RTN3: variants seen among roughly 807,000 people sequenced by gnomAD.
The protein encoded by RTN3 is reticulon 3.
In RTN3, 49 loss-of-function variants were observed where a neutral mutation model predicts 77.8. The ratio of observed to expected loss-of-function variants is 0.63; its 90% CI spans 0.50 to 0.80. The LOEUF is 0.80. Among genes scored for constraint, RTN3 ranks in the 30% least tolerant of loss-of-function variants. The pLI, the probability that RTN3 is intolerant of heterozygous loss-of-function variation, is 0.00. For missense variants in RTN3, 1,236 were observed against 1,211.9 expected (o/e 1.02, Z -0.29); for synonymous variants, 464 against 446.9 (o/e 1.04, Z -0.48).
chr11:63,684,632 G>C (rs551894324), intron 1 of RTN3, among the ~76,000 whole-genome samples: 13 of 152,044 alleles, frequency 8.6e-5, no homozygotes, highest in Non-Finnish European at 1.6e-4. Flanking sequence ...TACAGAATTT[G>C]TATTTCTTAG....
At chr11:63,693,372 AC>A (rs1181752358) in intron 1 of RTN3, among the ~76,000 whole-genome samples, 1 of 152,050 alleles carries the variant, frequency 6.6e-6, no homozygotes, top group Non-Finnish European at 1.5e-5. Flanking sequence ...AATCCCAGCT[AC>A]TTGGGAAGGC....
chr11:63,722,011 G>A (rs1187680612), intron 3 of RTN3, among the ~76,000 whole-genome samples: 1 of 151,902 alleles, frequency 6.6e-6, no homozygotes, highest in Non-Finnish European at 1.5e-5. Flanking sequence ...CCCTTCTCTT[G>A]TCTTTTATCT....
rs11231565 is a variant in RTN3 at position 63,707,974 on chromosome 11, G to A, written c.199+3067G>A. On this transcript the variant is annotated intron_variant, in intron 2 of 8. Transcript: ENST00000377819. ...CCAGTGGGGCCCTACGTCATTGGCA[G>A]TCTAGAGGTTAGCCTGTTCAGTTGT... Among the ~76,000 whole-genome samples, 816 of 152,344 alleles carry A rather than the reference G, an allele frequency of 5.4e-3. 6 individuals are homozygous for A. The highest frequency in any genetic ancestry group is 0.019 in the African/African-American group (796 of 41,574).
chr11:63,719,123 G>T lies in RTN3; in HGVS notation c.621G>T (p.Leu207Phe). Residue 207 changes from leucine (L) to phenylalanine (F), a missense_variant, in exon 3 of 9, where the codon TTG (leucine) becomes TTT (phenylalanine). Around this residue, in one of 3 missense-constraint regions of RTN3, gnomAD observed 1,056 missense variants for 990.4 expected, o/e 1.07. Transcript: ENST00000377819. ...TGGATGCTGATGACAGATTCACTTT[G>T]CTGACAGCCCAGAAACCACCTACTG... ...TALDADDRFTLLTAQKPPTEY... is the reference protein window; with the variant it reads ...TALDADDRFTFLTAQKPPTEY... The T allele has an allele frequency of 6.2e-7, 1 of 1,614,146 alleles. No individual in the cohort carries two copies. The highest frequency in any genetic ancestry group is 1.6e-4 in the Middle Eastern group (1 of 6,062).
chr11:63,718,165 G>A (rs190105337), intron 2 of RTN3, among the ~76,000 whole-genome samples: 16 of 152,180 alleles, frequency 1.1e-4, no homozygotes, highest in Admixed American at 3.9e-4. Context: ...TTCAGGAAGG[G>A]CCCATTGCAT....
intron 1 of RTN3, among the ~76,000 whole-genome samples, chr11:63,683,697 A>G (rs928589713): frequency 2.0e-5 from 3 of 152,146 alleles, no homozygotes; most frequent in African/African-American, 7.2e-5. Context: ...ATGACATAAC[A>G]TATTTCTGTT....
chr11:63,754,876 C>T (rs1225272728), intron 7 of RTN3, among the ~76,000 whole-genome samples: 5 of 137,004 alleles, frequency 3.6e-5, no homozygotes, highest in African/African-American at 8.3e-5. Context: ...TGCAGTGAGC[C>T]GAGATCGCGC....
intron 3 of RTN3, among the ~76,000 whole-genome samples, chr11:63,730,363 G>C (rs1241379266): frequency 6.6e-6 from 1 of 152,198 alleles, no homozygotes; most frequent in African/African-American, 2.4e-5. Flanking sequence ...CAAACAGTAA[G>C]CATAAGAAGA....
At chr11:63,722,251 A>T (rs2011873228) in intron 3 of RTN3, among the ~76,000 whole-genome samples, 1 of 152,214 alleles carries the variant, frequency 6.6e-6, no homozygotes, top group African/African-American at 2.4e-5. Context: ...ATCTTTTATC[A>T]AATGAAATCA....
intron 3 of RTN3, among the ~76,000 whole-genome samples, chr11:63,722,927 G>C (rs1369923810): frequency 6.6e-6 from 1 of 152,072 alleles, no homozygotes; most frequent in African/African-American, 2.4e-5. Flanking sequence ...GGGCAATAAG[G>C]CATATAGGAA....
At chr11:63,687,944 C>T (rs1227323119) in intron 1 of RTN3, among the ~76,000 whole-genome samples, 3 of 152,160 alleles carry the variant, frequency 2.0e-5, no homozygotes, top group Non-Finnish European at 4.4e-5. Context: ...TGGCCCTTCA[C>T]ATTAATGTCA....
In RTN3 at chr11:63,720,635, T is replaced by A; in HGVS notation, c.2133T>A (p.Ser711Arg). 6.2e-7 allele frequency: 1 copy of A among 1,613,820 alleles called. No homozygotes were observed. Among genetic ancestry groups the A allele is most frequent in the South Asian group, 1.1e-5 (1 of 91,032 alleles). ...SEIKDIGSKY[S>R]EQSKETNGSE... Reference sequence around the variant, plus strand: ...TTAAAGACATTGGAAGCAAATACAGTGAACAAAGCAAAGAAACAAATGGAA... The same window carrying A: ...TTAAAGACATTGGAAGCAAATACAGAGAACAAAGCAAAGAAACAAATGGAA... Residue 711 changes from serine (S) to arginine (R), a missense_variant, in exon 3 of 9, where the codon AGT becomes AGA. Physicochemically the swap from Ser to Arg is moderately radical, Grantham distance 110. This residue lies in a region of RTN3 where 1,056 missense variants were observed against 990.4 expected (regional missense o/e 1.07). Coordinates refer to ENST00000377819, the MANE Select transcript of RTN3 (RefSeq NM_001265589.2).
chr11:63,688,957 C>T (rs2134630396), intron 1 of RTN3, among the ~76,000 whole-genome samples: 1 of 152,186 alleles, frequency 6.6e-6, no homozygotes, highest in Admixed American at 6.5e-5. Context: ...TACCCATAAT[C>T]CTAGAATTTA....
intron 2 of RTN3, among the ~76,000 whole-genome samples, chr11:63,711,294 GA>G (rs2011154352): frequency 6.6e-6 from 1 of 151,918 alleles, no homozygotes; most frequent in African/African-American, 2.4e-5. Flanking sequence ...AAAAAAAAAG[GA>G]AAAGTTATTT....
intron 3 of RTN3, among the ~76,000 whole-genome samples, chr11:63,735,605 T>TCTCTCTCTCTCTCTCTC (rs1367361695): frequency 2.7e-5 from 4 of 149,336 alleles, no homozygotes; most frequent in African/African-American, 5.0e-5. Flanking sequence ...TCTCTCTTTC[T>TCTCTCTCTCTCTCTCTC]TTCAACCCCT....
chr11:63,682,308 A>T (rs1295441226), intron 1 of RTN3, among the ~76,000 whole-genome samples: 1 of 152,146 alleles, frequency 6.6e-6, no homozygotes, highest in Non-Finnish European at 1.5e-5. Context: ...AGTTTAATGG[A>T]AGCATTGTAG....
chr11:63,692,052 T>G (rs900856433), intron 1 of RTN3, among the ~76,000 whole-genome samples: 1 of 152,176 alleles, frequency 6.6e-6, no homozygotes, highest in Non-Finnish European at 1.5e-5. Context: ...CCTCTTTGTC[T>G]CACTCTGTTG....
At chr11:63,726,049 A>G (rs1335046263) in intron 3 of RTN3, among the ~76,000 whole-genome samples, 2 of 152,168 alleles carry the variant, frequency 1.3e-5, no homozygotes, top group Admixed American at 6.5e-5. Context: ...GAAAGATTCC[A>G]TAAAGAAAAA....
At chr11:63,752,962 C>T (rs969530811) in intron 5 of RTN3, 107 bp from the exon 6 acceptor site, 1 of 1,072,738 alleles carries the variant, frequency 9.3e-7, no homozygotes, top group African/African-American at 1.6e-5. Flanking sequence ...CCATGTCACA[C>T]ATCACTAAAT....
Sources: allele counts gnomAD v4.1 joint callset (sites outside exome capture counted in the v4.1 genomes callset), GRCh38; gene constraint gnomAD v4.1.1; regional missense constraint gnomAD v4.1.1; transcripts MANE v1.5; gene names NCBI Gene and HGNC (gene_info 2026-07-23, HGNC 2026-07-21).